CSMD1: variants seen among roughly 807,000 people sequenced by gnomAD.
The protein encoded by CSMD1 is CUB and Sushi multiple domains 1.
CSMD1 carries 213 observed loss-of-function variants against 417.5 expected under a neutral mutation model. That is an observed-to-expected ratio of 0.51 (90% CI 0.46 to 0.57). CSMD1 has a LOEUF of 0.57. CSMD1 is among the 20% of genes least tolerant of loss of function. The pLI is 0.00. For missense variants in CSMD1, 6,923 were observed against 4,529.7 expected (o/e 1.53, Z -15.17); for synonymous variants, 2,862 against 1,736.8 (o/e 1.65, Z -16.11).
intron 8 of CSMD1, among the ~76,000 whole-genome samples, chr8:3,610,991 C>G (rs1801864111): frequency 6.7e-6 from 1 of 148,318 alleles, no homozygotes; most frequent in Non-Finnish European, 1.5e-5. Flanking sequence ...TCACTTAAAC[C>G]AAACACCGCA....
At chr8:3,730,235 A>C (rs1392361182) in intron 6 of CSMD1, among the ~76,000 whole-genome samples, 1 of 152,122 alleles carries the variant, frequency 6.6e-6, no homozygotes, top group Admixed American at 6.5e-5. Flanking sequence ...CCATATGGTT[A>C]AATTCGAGAT....
intron 47 of CSMD1, 46 bp from the exon 48 acceptor site, chr8:3,091,708 C>G: frequency 6.4e-7 from 1 of 1,558,270 alleles, no homozygotes; most frequent in South Asian, 1.2e-5. Context: ...GAGTGAGCAC[C>G]TACCAAATGC....
At chr8:4,974,529 G>T (rs75691141) in intron 1 of CSMD1, among the ~76,000 whole-genome samples, 1 of 150,692 alleles carries the variant, frequency 6.6e-6, no homozygotes, top group Non-Finnish European at 1.5e-5. Flanking sequence ...ACATAATAAC[G>T]TGAGAGTTAG....
intron 3 of CSMD1, among the ~76,000 whole-genome samples, chr8:4,323,730 T>C (rs1022056205): frequency 6.8e-6 from 1 of 147,876 alleles, no homozygotes; most frequent in African/African-American, 2.4e-5. Context: ...GATTTGGGTA[T>C]TTCACATCCG....
chr8:4,994,531 C>T lies in CSMD1; in HGVS notation c.-115G>A, dbSNP rs1309501338. 2 of 933,544 alleles carry T rather than the reference C, an allele frequency of 2.1e-6. No homozygotes were observed. The highest frequency in any genetic ancestry group is 3.0e-5 in the South Asian group (2 of 66,018). 57.8% of individuals were successfully genotyped at this position (933,544 alleles called of 1,614,324 possible). On this transcript the variant is annotated 5_prime_UTR_variant, in exon 1 of 70. Transcript: ENST00000635120. Reference sequence around the variant, plus strand: ...AGGCGAGCCGGAGAGAGAGCCCGGTCCCAAGACCCGCCGCGCATCCGACGC... The same window carrying T: ...AGGCGAGCCGGAGAGAGAGCCCGGTTCCAAGACCCGCCGCGCATCCGACGC...
intron 2 of CSMD1, among the ~76,000 whole-genome samples, chr8:4,478,465 T>C (rs1414401868): frequency 6.6e-6 from 1 of 152,152 alleles, no homozygotes; most frequent in Non-Finnish European, 1.5e-5. Flanking sequence ...ATTGAATCAA[T>C]AGTTTCTTCA....
rs563403815 is a variant in CSMD1 at position 3,384,647 on chromosome 8, T to A, written c.2782+2847A>T. Among the ~76,000 whole-genome samples the A allele has an allele frequency of 2.2e-4, 31 of 140,806 alleles. 1 individual carries two copies. In the East Asian group the frequency reaches 5.8e-3, roughly 26 times the overall value. 92.4% of individuals were successfully genotyped at this position (140,806 alleles called of 152,430 possible). A position where few individuals can be genotyped will look rare whatever the true frequency, so the allele number is the denominator to read the frequency against. On this transcript the variant is annotated intron_variant, in intron 18 of 69. Transcript: ENST00000635120. The stretch of plus-strand genomic sequence containing the variant: ...AAATTGCTATTTATATATTGCTATA[T>A]ACATATAAATTAATATAGATGCTAT...
At chr8:3,731,960 C>T (rs961600719) in intron 6 of CSMD1, among the ~76,000 whole-genome samples, 1 of 152,126 alleles carries the variant, frequency 6.6e-6, no homozygotes, top group African/African-American at 2.4e-5. Context: ...AAACCCTGGG[C>T]TCTCACTGAA....
intron 12 of CSMD1, among the ~76,000 whole-genome samples, chr8:3,458,903 G>C (rs1363841631): frequency 6.6e-6 from 1 of 152,194 alleles, no homozygotes; most frequent in African/African-American, 2.4e-5. Context: ...AAAAGGAGCT[G>C]CTGCTGGTAG....
chr8:4,550,272 G>A (rs968249226), intron 2 of CSMD1, among the ~76,000 whole-genome samples: 11 of 150,704 alleles, frequency 7.3e-5, no homozygotes, highest in Non-Finnish European at 1.5e-4. Context: ...GTGGTTTCAC[G>A]GCCAACTTTG....
At chr8:3,818,635 C>G (rs564574048) in intron 5 of CSMD1, among the ~76,000 whole-genome samples, 1 of 152,268 alleles carries the variant, frequency 6.6e-6, no homozygotes, top group Admixed American at 6.5e-5. Context: ...GTCCCCACAG[C>G]AAGGGATGCC....
At chr8:4,662,612 T>C (rs1804672382) in intron 1 of CSMD1, among the ~76,000 whole-genome samples, 1 of 152,210 alleles carries the variant, frequency 6.6e-6, no homozygotes, top group Non-Finnish European at 1.5e-5. Context: ...ACGGCTACGA[T>C]TTCTCACATC....
At chr8:4,161,968 T>C (rs1797199269) in intron 3 of CSMD1, among the ~76,000 whole-genome samples, 1 of 152,226 alleles carries the variant, frequency 6.6e-6, no homozygotes, top group Non-Finnish European at 1.5e-5. Flanking sequence ...ACCTTTAAAA[T>C]TAATTTCTTT....
At chr8:3,755,691 T>C (rs1382640786) in intron 5 of CSMD1, among the ~76,000 whole-genome samples, 2 of 152,150 alleles carry the variant, frequency 1.3e-5, no homozygotes, top group Non-Finnish European at 2.9e-5. Flanking sequence ...AGCTTTCTGA[T>C]GTCAGGGGGC....
Position 3,858,674 on chromosome 8 carries a change from T to A in CSMD1, c.819-104632A>T, listed in dbSNP as rs1316862304. 1.3e-4 allele frequency among the ~76,000 whole-genome samples: 8 copies of A among 59,470 alleles called. 1 individual carries two copies. Among genetic ancestry groups the A allele is most frequent in the Non-Finnish European group, 2.3e-4 (8 of 35,244 alleles). 39.0% of individuals were successfully genotyped at this position (59,470 alleles called of 152,430 possible). A position where few individuals can be genotyped will look rare whatever the true frequency, so the allele number is the denominator to read the frequency against. ...ATGCTGTTATAATCTTCAGGAGAAC[T>A]TTTTTTTTTTCTGTTCGTAATACCC... is the stretch of plus-strand genomic sequence containing the variant. On this transcript the variant is annotated intron_variant, in intron 5 of 69. Transcript: ENST00000635120.
chr8:3,738,423 T>C (rs1247922030), intron 6 of CSMD1, among the ~76,000 whole-genome samples: 1 of 152,250 alleles, frequency 6.6e-6, no homozygotes, highest in Non-Finnish European at 1.5e-5. Flanking sequence ...TCACACCTTT[T>C]ATTTATTTCA....
At chr8:4,055,096 C>A (rs1243225034) in intron 3 of CSMD1, among the ~76,000 whole-genome samples, 2 of 152,152 alleles carry the variant, frequency 1.3e-5, no homozygotes, top group Non-Finnish European at 2.9e-5. Flanking sequence ...ATTAGTAACA[C>A]ATTTTCTTTG....
chr8:4,338,391 A>G (rs74869948), intron 3 of CSMD1, among the ~76,000 whole-genome samples: 8 of 152,112 alleles, frequency 5.3e-5, no homozygotes, highest in Non-Finnish European at 1.0e-4. Flanking sequence ...AAATTACGTA[A>G]AAGTACATAC....
intron 41 of CSMD1, among the ~76,000 whole-genome samples, chr8:3,141,175 G>C (rs1818415414): frequency 1.3e-5 from 2 of 152,220 alleles, no homozygotes; most frequent in African/African-American, 4.8e-5. Flanking sequence ...ATGGGAGAGA[G>C]TGTGTGCAGG....
Sources: gnomAD v4.1 joint callset for allele counts (sites outside exome capture counted in the v4.1 genomes callset) on GRCh38, gnomAD v4.1.1 for gene constraint, MANE v1.5 for transcripts, NCBI Gene and HGNC (gene_info 2026-07-23, HGNC 2026-07-21) for gene names.